Variants in DMD observed in about 807,000 individuals in gnomAD.
DMD encodes dystrophin, also known as mutant dystrophin.
A neutral mutation model predicts 330.1 loss-of-function variants in DMD; 63 were observed. The observed-to-expected ratio is 0.19, with a 90% CI of 0.16 to 0.24. DMD has a LOEUF of 0.24. Among genes scored for constraint, DMD ranks in the 10% least tolerant of loss-of-function variants. DMD has a pLI of 1.00. For synonymous variants in DMD, 1,223 were observed against 959.8 expected (o/e 1.27, Z -5.07); for missense variants, 3,344 against 2,684.1 (o/e 1.25, Z -5.43).
intron 62 of DMD, among the ~76,000 whole-genome samples, chrX:31,284,574 T>TCTTTCTTCTC (rs2052942191): frequency 1.1e-5 from 1 of 92,196 alleles, no homozygotes; most frequent in African/African-American, 4.2e-5. Flanking sequence ...TTCTTCTTCT[T>TCTTTCTTCTC]CTTCTTCTTC....
At chrX:31,688,884 A>G (rs1387664799) in intron 52 of DMD, among the ~76,000 whole-genome samples, 9 of 111,983 alleles carry the variant, frequency 8.0e-5, no homozygotes, top group African/African-American at 2.9e-4. Context: ...GGTTATCTCA[A>G]TAGATGCAGA....
At chrX:31,842,242 T>C (rs1490637397) in intron 48 of DMD, among the ~76,000 whole-genome samples, 1 of 111,896 alleles carries the variant, frequency 8.9e-6, no homozygotes, top group African/African-American at 3.2e-5. Flanking sequence ...AAGGTGTAAC[T>C]GAATGGCCGT....
chrX:32,854,481 T>G (rs904518677), intron 2 of DMD, among the ~76,000 whole-genome samples: 1 of 110,344 alleles, frequency 9.1e-6, no homozygotes, highest in Non-Finnish European at 1.9e-5. Flanking sequence ...ATAAAATTTC[T>G]TGAAACAAAA....
At chrX:31,485,528 T>G in intron 57 of DMD, among the ~76,000 whole-genome samples, 1 of 111,813 alleles carries the variant, frequency 8.9e-6, no homozygotes, top group Non-Finnish European at 1.9e-5. Flanking sequence ...TCTTGCTTCC[T>G]GCTTATATTA....
chrX:33,196,698 A>G (rs1292204874), intron 1 of DMD, among the ~76,000 whole-genome samples: 4 of 112,112 alleles, frequency 3.6e-5, no homozygotes, highest in African/African-American at 1.3e-4. Context: ...GAAACTTTAT[A>G]TATCCCCCTT....
chrX:32,702,158 T>C (rs947616085), intron 7 of DMD, among the ~76,000 whole-genome samples: 23 of 112,408 alleles, frequency 2.0e-4, no homozygotes, highest in Non-Finnish European at 4.3e-4. Flanking sequence ...ATTCTGCTTC[T>C]AATTTGGAAT....
At chrX:32,251,226 T>G (rs775400009) in intron 43 of DMD, among the ~76,000 whole-genome samples, 1 of 111,231 alleles carries the variant, frequency 9.0e-6, no homozygotes, top group East Asian at 2.8e-4. Context: ...AGATTTGTCC[T>G]GATCAATCTT....
At chrX:32,633,814 G>C (rs2058906555) in intron 11 of DMD, among the ~76,000 whole-genome samples, 1 of 111,228 alleles carries the variant, frequency 9.0e-6, no homozygotes, top group Non-Finnish European at 1.9e-5. Flanking sequence ...GCAAGAGTGA[G>C]AGGGAGGGTG....
intron 30 of DMD, among the ~76,000 whole-genome samples, chrX:32,398,556 T>G (rs2098062799): frequency 9.0e-6 from 1 of 111,284 alleles, no homozygotes; most frequent in Non-Finnish European, 1.9e-5. Context: ...TAAATTTTTC[T>G]GCGTAATCTT....
At chrX:31,728,557 A>C (rs1380131045) in intron 52 of DMD, among the ~76,000 whole-genome samples, 1 of 111,468 alleles carries the variant, frequency 9.0e-6, no homozygotes, top group Admixed American at 9.5e-5. Flanking sequence ...TTAACCTTTT[A>C]CTCTGGTTAC....
chrX:31,925,607 C>T (rs890311401), intron 47 of DMD, among the ~76,000 whole-genome samples: 15 of 111,409 alleles, frequency 1.3e-4, no homozygotes, highest in Admixed American at 1.3e-3. Context: ...TGCGGTGGCT[C>T]ACGCCTGTAA....
At chrX:32,642,421 A>G (rs1292071630) in intron 11 of DMD, among the ~76,000 whole-genome samples, 3 of 111,742 alleles carry the variant, frequency 2.7e-5, no homozygotes, top group African/African-American at 6.5e-5. Context: ...TTCCCTAAGG[A>G]CAAACTAATT....
intron 7 of DMD, among the ~76,000 whole-genome samples, chrX:32,710,567 AG>A (rs1034990850): frequency 9.0e-6 from 1 of 111,613 alleles, no homozygotes; most frequent in Non-Finnish European, 1.9e-5. Flanking sequence ...CTCAAGACAC[AG>A]GAAAACTAAT....
chrX:32,351,789 G>T (rs2097782540), intron 37 of DMD, among the ~76,000 whole-genome samples: 1 of 110,379 alleles, frequency 9.1e-6, no homozygotes, highest in African/African-American at 3.3e-5. Flanking sequence ...CATTATATGA[G>T]TATGTATATT....
intron 2 of DMD, among the ~76,000 whole-genome samples, chrX:32,898,991 A>AT (rs754007080): frequency 1.8e-5 from 2 of 112,205 alleles, no homozygotes; most frequent in Non-Finnish European, 3.8e-5. Flanking sequence ...ACATGCACAC[A>AT]TAAAAAAAAG....
intron 9 of DMD, among the ~76,000 whole-genome samples, chrX:32,686,559 C>CAAAAAAAAAAAAAAAAAAAAAA (rs750534167): frequency 1.7e-4 from 5 of 28,582 alleles, no homozygotes; most frequent in African/African-American, 6.7e-4. Context: ...AACTCCATCT[C>CAAAAAAAAAAAAAAAAAAAAAA]AAAAAAAAAA....
chrX:32,067,447 C>A (rs1171293377), intron 44 of DMD, among the ~76,000 whole-genome samples: 3 of 110,692 alleles, frequency 2.7e-5, no homozygotes, highest in African/African-American at 9.9e-5. Context: ...CAAATGATCC[C>A]ATTAACCAGG....
At chrX:32,875,821 C>G (rs1180271802) in intron 2 of DMD, among the ~76,000 whole-genome samples, 1 of 112,038 alleles carries the variant, frequency 8.9e-6, no homozygotes, top group Non-Finnish European at 1.9e-5. Flanking sequence ...TCTCCTAACA[C>G]TTCTTTGCTG....
At chrX:33,269,092 T>C (rs2053104725) in intron 1 of DMD, among the ~76,000 whole-genome samples, 1 of 110,607 alleles carries the variant, frequency 9.0e-6, no homozygotes, top group South Asian at 3.8e-4. Flanking sequence ...ACTGAGTATA[T>C]ACCCAAAGGA....
Sources: allele counts gnomAD v4.1 joint callset (sites outside exome capture counted in the v4.1 genomes callset), GRCh38; gene constraint gnomAD v4.1.1; transcripts MANE v1.5; gene names NCBI Gene and HGNC (gene_info 2026-07-23, HGNC 2026-07-21).